The following ASAP1 variants were observed in gnomAD, a reference collection of about 807,000 sequenced individuals.
ASAP1 encodes the protein arf-GAP with SH3 domain, ANK repeat and PH domain-containing protein 1.
A neutral mutation model predicts 145.2 loss-of-function variants in ASAP1; 43 were observed. The ratio of observed to expected loss-of-function variants is 0.30; its 90% CI spans 0.23 to 0.38. The LOEUF (loss-of-function observed/expected upper bound fraction) is 0.38. Ranked by LOEUF, ASAP1 falls within the 10% of genes least tolerant of loss-of-function variation. ASAP1 has a pLI of 1.00. For missense variants in ASAP1, 1,018 were observed against 1,355.3 expected (o/e 0.75, Z 3.91); for synonymous variants, 546 against 515.5 (o/e 1.06, Z -0.80).
intron 3 of ASAP1, among the ~76,000 whole-genome samples, chr8:130,335,970 A>G (rs1302889025): frequency 6.6e-6 from 1 of 152,240 alleles, no homozygotes; most frequent in Non-Finnish European, 1.5e-5. Flanking sequence ...AAGTATGATT[A>G]CTGGGAAATG....
At chr8:130,299,376 G>A (rs1390585957) in intron 3 of ASAP1, among the ~76,000 whole-genome samples, 1 of 152,196 alleles carries the variant, frequency 6.6e-6, no homozygotes, top group East Asian at 1.9e-4. Flanking sequence ...AATACAAAAG[G>A]TAAAAAAGTA....
intron 4 of ASAP1, among the ~76,000 whole-genome samples, chr8:130,225,791 G>A (rs1817554998): frequency 6.6e-6 from 1 of 152,162 alleles, no homozygotes; most frequent in Admixed American, 6.5e-5. Context: ...GTCAGTGTTT[G>A]CTTAGGTGGG....
At chr8:130,263,617 T>C (rs1410319704) in intron 3 of ASAP1, among the ~76,000 whole-genome samples, 1 of 152,198 alleles carries the variant, frequency 6.6e-6, no homozygotes, top group South Asian at 2.1e-4. Flanking sequence ...AATGGTTCTC[T>C]CTGTTATTTT....
chr8:130,370,782 A>T (rs140467036), intron 2 of ASAP1, among the ~76,000 whole-genome samples: 21 of 152,366 alleles, frequency 1.4e-4, no homozygotes, highest in African/African-American at 5.1e-4. Flanking sequence ...CATTATGCTA[A>T]GTCAAAAGTC....
intron 3 of ASAP1, among the ~76,000 whole-genome samples, chr8:130,309,997 T>C (rs1237000025): frequency 6.6e-6 from 1 of 152,138 alleles, no homozygotes; most frequent in Non-Finnish European, 1.5e-5. Flanking sequence ...CTTTTCTAAA[T>C]CGTAATATCC....
intron 12 of ASAP1, among the ~76,000 whole-genome samples, chr8:130,158,833 A>C (rs2097663240): frequency 6.6e-6 from 1 of 151,374 alleles, no homozygotes. Context: ...CAGGGTTCGC[A>C]CCATTCTCCT....
chr8:130,276,728 A>ACTCTCTCTCTCTCTCTCTCTCTCT (rs10678909), intron 3 of ASAP1, among the ~76,000 whole-genome samples: 7 of 87,308 alleles, frequency 8.0e-5, no homozygotes, highest in Non-Finnish European at 1.1e-4. Context: ...ACACACACAC[A>ACTCTCTCTCTCTCTCTCTCTCTCT]CTCTCTCTCT....
chr8:130,241,608 C>G (rs1336904448), intron 3 of ASAP1, among the ~76,000 whole-genome samples: 1 of 152,054 alleles, frequency 6.6e-6, no homozygotes, highest in Non-Finnish European at 1.5e-5. Context: ...GTTCTAGATT[C>G]AGAAAACATG....
At chr8:130,262,820 T>A (rs1820020476) in intron 3 of ASAP1, among the ~76,000 whole-genome samples, 1 of 152,180 alleles carries the variant, frequency 6.6e-6, no homozygotes, top group Non-Finnish European at 1.5e-5. Context: ...AAAAGCCTGT[T>A]CCATGACCCT....
intron 18 of ASAP1, among the ~76,000 whole-genome samples, chr8:130,120,493 C>A (rs903208762): frequency 6.6e-5 from 10 of 152,198 alleles, no homozygotes; most frequent in African/African-American, 2.4e-4. Flanking sequence ...AAGAGGGATG[C>A]ACATGTTAGG....
At chr8:130,334,603 T>C (rs1824917890) in intron 3 of ASAP1, among the ~76,000 whole-genome samples, 1 of 152,210 alleles carries the variant, frequency 6.6e-6, no homozygotes, top group South Asian at 2.1e-4. Flanking sequence ...CTGTAGCATG[T>C]AACAGAATAT....
At chr8:130,216,747 C>A (rs545934506) in intron 4 of ASAP1, among the ~76,000 whole-genome samples, 1 of 152,212 alleles carries the variant, frequency 6.6e-6, no homozygotes, top group Non-Finnish European at 1.5e-5. Context: ...CTCTGTAATA[C>A]AGACATATAT....
chr8:130,130,967 T>C (rs1416872339), intron 15 of ASAP1, among the ~76,000 whole-genome samples: 40 of 151,974 alleles, frequency 2.6e-4, no homozygotes, highest in Non-Finnish European at 8.8e-5. Flanking sequence ...CCATCCTGGC[T>C]AACACGGTGA....
intron 3 of ASAP1, among the ~76,000 whole-genome samples, chr8:130,276,455 A>G (rs1240630028): frequency 6.6e-6 from 1 of 152,146 alleles, no homozygotes; most frequent in African/African-American, 2.4e-5. Flanking sequence ...GTAGCCAATC[A>G]TGGACTACGA....
chr8:130,426,077 G>T (rs1829904905), intron 1 of ASAP1, among the ~76,000 whole-genome samples: 1 of 152,164 alleles, frequency 6.6e-6, no homozygotes, highest in African/African-American at 2.4e-5. Context: ...CGGAGGAGGG[G>T]CCTTGTGGGA....
chr8:130,316,518 T>A (rs1466223138), intron 3 of ASAP1, among the ~76,000 whole-genome samples: 3 of 152,216 alleles, frequency 2.0e-5, no homozygotes, highest in Non-Finnish European at 1.5e-5. Flanking sequence ...TCTCTTACAG[T>A]CAAATGTGGT....
intron 4 of ASAP1, among the ~76,000 whole-genome samples, chr8:130,231,132 A>G (rs1018179270): frequency 6.6e-6 from 1 of 152,246 alleles, no homozygotes; most frequent in Non-Finnish European, 1.5e-5. Context: ...CTTAAAATAG[A>G]TAATTTAACA....
intron 23 of ASAP1, 134 bp downstream of exon 23, chr8:130,115,494 A>G (rs2097553965): frequency 1.4e-6 from 1 of 720,982 alleles, no homozygotes; most frequent in African/African-American, 1.8e-5. Context: ...ATAAGGACTG[A>G]ACAACATAAA....
chr8:130,332,796 A>G (rs1167396013), intron 3 of ASAP1, among the ~76,000 whole-genome samples: 2 of 152,214 alleles, frequency 1.3e-5, no homozygotes, highest in Non-Finnish European at 2.9e-5. Flanking sequence ...TCAATGACTG[A>G]TTCTAACTTG....
Sources: gnomAD v4.1 joint callset for allele counts (sites outside exome capture counted in the v4.1 genomes callset) on GRCh38, gnomAD v4.1.1 for gene constraint, MANE v1.5 for transcripts, NCBI Gene and HGNC (gene_info 2026-07-23, HGNC 2026-07-21) for gene names.